The following CHODL variants were observed in gnomAD, a reference collection of about 807,000 sequenced individuals.
CHODL encodes chondrolectin.
CHODL carries 29 observed loss-of-function variants against 34.5 expected under a neutral mutation model. The ratio of observed to expected loss-of-function variants is 0.84; its 90% CI spans 0.63 to 1.15. The LOEUF is 1.15. Ranked by LOEUF, CHODL falls within the 50% of genes most tolerant of loss-of-function variation. The probability of loss-of-function intolerance (pLI) is 0.00; values close to 1 mark genes in which losing one functional copy is unlikely to be tolerated. For synonymous variants in CHODL, 125 were observed against 116.1 expected, an observed-to-expected ratio of 1.08 and a Z score of -0.49; for missense variants, 332 against 332.5, an observed-to-expected ratio of 1.00 and a Z score of 0.01.
At chr21:18,004,015 A>G (rs1228483621) in intron 1 of CHODL, among the ~76,000 whole-genome samples, 3 of 152,268 alleles carry the variant, frequency 2.0e-5, no homozygotes, top group Admixed American at 1.3e-4. Flanking sequence ...TTCAAGGAAT[A>G]TAGTGACTCA....
intron 2 of CHODL, among the ~76,000 whole-genome samples, chr21:18,218,078 G>C (rs1220343642): frequency 6.6e-5 from 10 of 152,204 alleles, no homozygotes; most frequent in Admixed American, 6.5e-4. Context: ...TGTGCAAGCT[G>C]TCAGTGGATC....
chr21:18,022,471 A>T (rs1169870775), intron 1 of CHODL: 1 of 152,234 alleles, frequency 6.6e-6, no homozygotes, highest in African/African-American at 2.4e-5. Flanking sequence ...TTCAAATAAG[A>T]TAACATTCAC....
intron 2 of CHODL, among the ~76,000 whole-genome samples, chr21:18,206,366 G>T (rs2073711961): frequency 6.6e-6 from 1 of 152,082 alleles, no homozygotes; most frequent in African/African-American, 2.4e-5. Context: ...TTGCTGAATT[G>T]ACCCCTTTAT....
chr21:17,983,040 T>C (rs192296702), intron 1 of CHODL, among the ~76,000 whole-genome samples: 31 of 152,128 alleles, frequency 2.0e-4, no homozygotes, highest in Admixed American at 5.3e-4. Context: ...ATATGTAGTG[T>C]TACATAATTT....
intron 2 of CHODL, among the ~76,000 whole-genome samples, chr21:18,073,062 A>G (rs1885948684): frequency 6.6e-6 from 1 of 152,172 alleles, no homozygotes; most frequent in Admixed American, 6.5e-5. Context: ...AATATTTTGG[A>G]GATGGGAAAT....
At chr21:18,110,739 A>T (rs780925343) in intron 2 of CHODL, among the ~76,000 whole-genome samples, 1 of 152,220 alleles carries the variant, frequency 6.6e-6, no homozygotes, top group Non-Finnish European at 1.5e-5. Context: ...CCCACTTTGT[A>T]AGTATAAATC....
intron 1 of CHODL, among the ~76,000 whole-genome samples, 191 bp from the exon 2 acceptor site, chr21:18,256,318 C>T (rs1425235598): frequency 6.6e-6 from 1 of 152,014 alleles, no homozygotes; most frequent in Non-Finnish European, 1.5e-5. Flanking sequence ...TGCAAGTTTA[C>T]GAGGGAATAA....
chr21:18,206,054 T>C (rs1939513127), intron 2 of CHODL, among the ~76,000 whole-genome samples: 1 of 152,252 alleles, frequency 6.6e-6, no homozygotes. Context: ...TGGCCTAACA[T>C]GTAGTCTATC....
At chr21:17,982,485 G>A (rs1247707279) in intron 1 of CHODL, among the ~76,000 whole-genome samples, 1 of 151,842 alleles carries the variant, frequency 6.6e-6, no homozygotes, top group African/African-American at 2.4e-5. Context: ...GTGATACCCA[G>A]TTAAAAAAGT....
At chr21:18,202,176 G>A (rs142182104) in intron 2 of CHODL, among the ~76,000 whole-genome samples, 1 of 152,264 alleles carries the variant, frequency 6.6e-6, no homozygotes, top group African/African-American at 2.4e-5. Flanking sequence ...AAAGAAAATT[G>A]TATTCAAATA....
At chr21:18,101,518 G>A (rs2065213223) in intron 2 of CHODL, among the ~76,000 whole-genome samples, 1 of 151,984 alleles carries the variant, frequency 6.6e-6, no homozygotes, top group Non-Finnish European at 1.5e-5. Context: ...AATGTGTAGA[G>A]ATATTCATTT....
intron 2 of CHODL, among the ~76,000 whole-genome samples, chr21:18,104,047 C>A (rs2065245889): frequency 6.6e-6 from 1 of 152,172 alleles, no homozygotes. Context: ...CAAAATATTT[C>A]TCTCCTCTTT....
chr21:18,165,685 G>T (rs1288500655), intron 2 of CHODL, among the ~76,000 whole-genome samples: 2 of 152,112 alleles, frequency 1.3e-5, no homozygotes, highest in African/African-American at 4.8e-5. Flanking sequence ...GAATTCAAAC[G>T]GTGTCACTTC....
intron 1 of CHODL, among the ~76,000 whole-genome samples, chr21:17,922,350 C>T (rs1021766927): frequency 6.6e-6 from 1 of 152,264 alleles, no homozygotes; most frequent in Middle Eastern, 3.4e-3. Flanking sequence ...TGTTCCACTG[C>T]TTTAGAGGTG....
intron 2 of CHODL, among the ~76,000 whole-genome samples, chr21:18,070,422 AT>A (rs2064789275): frequency 6.6e-6 from 1 of 151,930 alleles, no homozygotes; most frequent in South Asian, 2.1e-4. Flanking sequence ...AGTCCTTAGG[AT>A]TACATTGGTA....
intron 2 of CHODL, chr21:18,134,422 T>C: frequency 2.0e-6 from 1 of 496,250 alleles, no homozygotes; most frequent in Non-Finnish European, 4.0e-6. Flanking sequence ...TCTCTAAGTT[T>C]GCTATCATTT....
chr21:18,098,905 T>C (rs959476973), intron 2 of CHODL, among the ~76,000 whole-genome samples: 1 of 146,858 alleles, frequency 6.8e-6, no homozygotes, highest in African/African-American at 2.5e-5. Flanking sequence ...TAAAAATGAA[T>C]GATATTCTGT....
chr21:17,989,517 A>C (rs1052754333), intron 1 of CHODL, among the ~76,000 whole-genome samples: 10 of 152,182 alleles, frequency 6.6e-5, no homozygotes, highest in Non-Finnish European at 8.8e-5. Flanking sequence ...TTTATATTAG[A>C]GTTCTAAAAT....
At chr21:18,088,062 G>A (rs2065028289) in intron 2 of CHODL, among the ~76,000 whole-genome samples, 1 of 152,134 alleles carries the variant, frequency 6.6e-6, no homozygotes, top group Non-Finnish European at 1.5e-5. Flanking sequence ...CATGAGAACA[G>A]TAAGGGGTAT....
Sources: gnomAD v4.1 joint callset for allele counts (sites outside exome capture counted in the v4.1 genomes callset) on GRCh38, gnomAD v4.1.1 for gene constraint, MANE v1.5 for transcripts, NCBI Gene and HGNC (gene_info 2026-07-23, HGNC 2026-07-21) for gene names.